Variants in NUP43 observed in about 807,000 individuals in gnomAD.
The protein encoded by NUP43 is nucleoporin Nup43.
A neutral mutation model predicts 47.3 loss-of-function variants in NUP43; 32 were observed. The ratio of observed to expected loss-of-function variants is 0.68; its 90% CI spans 0.51 to 0.91. The LOEUF (loss-of-function observed/expected upper bound fraction) is 0.91. Ranked by LOEUF, NUP43 falls within the 40% of genes least tolerant of loss-of-function variation. The pLI, the probability that NUP43 is intolerant of heterozygous loss-of-function variation, is 0.00. For missense variants in NUP43, 444 were observed against 453.9 expected (o/e 0.98, Z 0.20); for synonymous variants, 147 against 158.4 (o/e 0.93, Z 0.54).
In NUP43 at chr6:149,742,495, G is replaced by T. The variant is rs1341176221; in HGVS notation, c.397C>A (p.Pro133Thr). The T allele has an allele frequency of 6.2e-7, 1 of 1,614,028 alleles. No individual in the cohort carries two copies. Among genetic ancestry groups the T allele is most frequent in the Admixed American group, 1.7e-5 (1 of 60,018 alleles). ...GPGSPSYSSA[P>T]CTGVVCNNPE... ...TTGTTGCACACAACACCTGTACATG[G>T]TGCACTGCTATAGGAAGGACTGCCA... is the stretch of plus-strand genomic sequence containing the variant. Residue 133 changes from proline to threonine, a missense_variant, in exon 4 of 8, where the codon CCA becomes ACA. Coordinates refer to ENST00000340413, the MANE Select transcript of NUP43 (RefSeq NM_198887.3).
chr6:149,732,923 AT>A (rs1785135753), intron 6 of NUP43, among the ~76,000 whole-genome samples: 1 of 151,922 alleles, frequency 6.6e-6, no homozygotes, highest in South Asian at 2.1e-4. Flanking sequence ...TTTTATTTTT[AT>A]TTTTTTAAAT....
At chr6:149,746,319 G>A (rs1039235964) in intron 1 of NUP43, 57 bp downstream of exon 1, 24 of 1,597,706 alleles carry the variant, frequency 1.5e-5, no homozygotes, top group Non-Finnish European at 2.0e-5. Flanking sequence ...AAGGCCAGGG[G>A]TCAGCTCAAC....
intron 7 of NUP43, among the ~76,000 whole-genome samples, chr6:149,728,760 T>C (rs1784901842): frequency 6.6e-6 from 1 of 152,156 alleles, no homozygotes; most frequent in South Asian, 2.1e-4. Flanking sequence ...GTCCTTGCAG[T>C]TCTCTGCCTG....
At chr6:149,729,067 T>C (rs955658826) in intron 7 of NUP43, among the ~76,000 whole-genome samples, 10 of 152,138 alleles carry the variant, frequency 6.6e-5, no homozygotes, top group Admixed American at 1.3e-4. Flanking sequence ...CTTGGCTCAC[T>C]GCAACCTCCA....
At chr6:149,744,853 T>C (rs1002059903) in intron 2 of NUP43, among the ~76,000 whole-genome samples, 2 of 151,620 alleles carry the variant, frequency 1.3e-5, no homozygotes, top group African/African-American at 4.8e-5. Context: ...AAAAAATGTA[T>C]CTTTCCTAGA....
upstream of NUP43, chr6:149,746,584 G>T: frequency 6.2e-7 from 1 of 1,611,396 alleles, no homozygotes; most frequent in Non-Finnish European, 8.5e-7. Flanking sequence ...CTGATTGGAT[G>T]GGACTTTAGG....
intron 7 of NUP43, among the ~76,000 whole-genome samples, chr6:149,728,776 G>C (rs1192024341): frequency 1.3e-5 from 2 of 152,058 alleles, no homozygotes; most frequent in Non-Finnish European, 2.9e-5. Context: ...GCCTGTCTCA[G>C]GCCCTCAGCA....
chr6:149,744,385 G>A (rs183759289), intron 2 of NUP43, among the ~76,000 whole-genome samples: 2 of 150,742 alleles, frequency 1.3e-5, no homozygotes, highest in South Asian at 4.2e-4. Context: ...TTAGCTGGGC[G>A]TGCTGGCATG....
chr6:149,728,414 G>T (rs1784886840), intron 7 of NUP43: 1 of 983,910 alleles, frequency 1.0e-6, no homozygotes, highest in Admixed American at 6.2e-5. Flanking sequence ...TTGTTTCTCT[G>T]TAGATGAAGT....
rs553611113 is a variant in NUP43 at position 149,729,606 on chromosome 6, C to T, written c.913+2007G>A. 6.0e-6 allele frequency: 5 copies of T among 837,440 alleles called. No homozygotes were observed. In the African/African-American group the frequency reaches 9.1e-5, roughly 15 times the overall value. The allele number at this position is 837,440 out of a possible 1,614,324, so 51.9% of individuals were successfully genotyped here. On this transcript the variant is annotated intron_variant, in intron 7 of 7. Coordinates refer to ENST00000340413, the MANE Select transcript of NUP43 (RefSeq NM_198887.3). ...CTATTTCTGGGTTTTCCCTTTTCTT[C>T]CTATTTGTTCTCCCAGCACCCCTCC... is the stretch of plus-strand genomic sequence containing the variant.
At chr6:149,738,816 C>T (rs760173855) in intron 4 of NUP43, 38 bp from the exon 5 acceptor site, 6 of 1,328,246 alleles carry the variant, frequency 4.5e-6, no homozygotes, top group Non-Finnish European at 5.9e-6. Flanking sequence ...GTTAATGAGT[C>T]CCCTTTTTTT....
intron 7 of NUP43, among the ~76,000 whole-genome samples, chr6:149,730,802 G>T (rs778390208): frequency 1.7e-4 from 26 of 152,048 alleles, no homozygotes; most frequent in South Asian, 8.3e-4. Flanking sequence ...GCTGGTTGTG[G>T]TTGCAAGCAT....
At chr6:149,743,349 C>T (rs1785770355) in intron 3 of NUP43, among the ~76,000 whole-genome samples, 1 of 151,806 alleles carries the variant, frequency 6.6e-6, no homozygotes, top group Non-Finnish European at 1.5e-5. Flanking sequence ...CCTGTAATCC[C>T]AGCACTTTGG....
intron 2 of NUP43, among the ~76,000 whole-genome samples, chr6:149,744,830 C>T (rs928933756): frequency 6.7e-6 from 1 of 149,922 alleles, no homozygotes; most frequent in Non-Finnish European, 1.5e-5. Context: ...TATAAGACTT[C>T]GTCTCCAAAA....
At chr6:149,736,173 A>G (rs1206354258) in intron 6 of NUP43, among the ~76,000 whole-genome samples, 2 of 151,748 alleles carry the variant, frequency 1.3e-5, no homozygotes, top group Non-Finnish European at 1.5e-5. Context: ...GCTACTCGGG[A>G]GGCTGAGGCA....
chr6:149,743,450 C>T (rs1785778949), intron 3 of NUP43, among the ~76,000 whole-genome samples, 188 bp downstream of exon 3: 1 of 152,018 alleles, frequency 6.6e-6, no homozygotes, highest in Non-Finnish European at 1.5e-5. Flanking sequence ...ATAAAATTAG[C>T]CGGGCGTGGT....
chr6:149,736,771 C>T (rs1376118185), intron 5 of NUP43, 149 bp from the exon 6 acceptor site: 1 of 621,922 alleles, frequency 1.6e-6, no homozygotes, highest in Admixed American at 2.8e-5. Context: ...TTACTGTAGG[C>T]TCAAACTCCC....
intron 5 of NUP43, among the ~76,000 whole-genome samples, chr6:149,737,798 C>T (rs1785442003): frequency 6.6e-6 from 1 of 152,130 alleles, no homozygotes; most frequent in Admixed American, 6.6e-5. Context: ...TCAAGTGATT[C>T]TCCTGCCTCA....
intron 6 of NUP43, among the ~76,000 whole-genome samples, chr6:149,732,059 GT>G (rs1785075703): frequency 6.6e-6 from 1 of 151,238 alleles, no homozygotes; most frequent in Non-Finnish European, 1.5e-5. Flanking sequence ...GCGCGTGCTT[GT>G]AGTCCCAGCT....
Sources: allele counts gnomAD v4.1 joint callset (sites outside exome capture counted in the v4.1 genomes callset), GRCh38; gene constraint gnomAD v4.1.1; transcripts MANE v1.5; gene names NCBI Gene and HGNC (gene_info 2026-07-23, HGNC 2026-07-21).